FAH: variants seen among roughly 807,000 people sequenced by gnomAD.
The protein encoded by FAH is fumarylacetoacetate hydrolase.
In FAH, 47 loss-of-function variants were observed where a neutral mutation model predicts 55.8. The ratio of observed to expected loss-of-function variants is 0.84; its 90% CI spans 0.67 to 1.07. The LOEUF (loss-of-function observed/expected upper bound fraction) is 1.07. Among genes scored for constraint, FAH ranks in the 50% least tolerant of loss-of-function variants. FAH has a pLI of 0.00. For synonymous variants in FAH, 199 were observed against 207.7 expected (o/e 0.96, Z 0.36); for missense variants, 495 against 545.9 (o/e 0.91, Z 0.93).
At chr15:80,152,810 C>T, upstream of FAH, 2 of 399,604 alleles carry the variant, frequency 5.0e-6, no homozygotes, top group East Asian at 4.9e-5. Flanking sequence ...GCGGGCGAGA[C>T]TGTGGAGGAC....
downstream of FAH, chr15:80,186,513 T>C (rs1302301048): frequency 6.6e-6 from 3 of 456,720 alleles, no homozygotes; most frequent in African/African-American, 6.0e-5. Flanking sequence ...TGGTATTCCA[T>C]GGAATTTGAA....
intron 7 of FAH, among the ~76,000 whole-genome samples, chr15:80,169,658 C>T (rs1173111489): frequency 6.6e-6 from 1 of 151,948 alleles, no homozygotes; most frequent in African/African-American, 2.4e-5. Flanking sequence ...CTCAGCCTCC[C>T]GAATAGCTGG....
intron 13 of FAH, among the ~76,000 whole-genome samples, chr15:80,181,774 C>A (rs1038069399): frequency 9.2e-5 from 14 of 152,120 alleles, no homozygotes; most frequent in African/African-American, 3.1e-4. Flanking sequence ...GAGTCGGAGT[C>A]TTGCTCTCTC....
At chr15:80,177,350 T>G in intron 10 of FAH, 187 bp from the exon 11 acceptor site, 2 of 631,436 alleles carry the variant, frequency 3.2e-6, no homozygotes, top group Non-Finnish European at 5.7e-6. Context: ...AAGTGATGAC[T>G]TGTGTGCATG....
At chr15:80,158,247 G>C (rs546563060) in intron 2 of FAH, 77 bp downstream of exon 2, 5 of 1,025,632 alleles carry the variant, frequency 4.9e-6, no homozygotes, top group Admixed American at 1.7e-5. Context: ...TGCTCCTTGC[G>C]TTCCATTTCC....
intron 13 of FAH, among the ~76,000 whole-genome samples, chr15:80,181,872 C>T (rs1285029518): frequency 6.6e-6 from 1 of 152,108 alleles, no homozygotes; most frequent in Admixed American, 6.5e-5. Flanking sequence ...CTTAGCCTCC[C>T]GAGTAGCTGG....
chr15:80,157,090 G>A (rs2041106092), intron 1 of FAH: 2 of 152,412 alleles, frequency 1.3e-5, no homozygotes, highest in Admixed American at 1.3e-4. Flanking sequence ...GAGGCCCAGG[G>A]AGTTGGCAGT....
Position 80,175,091 on chromosome 15 carries a change from G to A in FAH, c.913G>A (p.Gly305Arg). The change falls in exon 10 of 14, where the codon GGA becomes AGA. Residue 305 changes from glycine to arginine, a missense_variant and splice_region_variant. By Grantham distance (125) the Gly-to-Arg change is moderately radical. Coordinates refer to ENST00000561421, the MANE Select transcript of FAH (RefSeq NM_000137.4). Reference sequence around the variant, plus strand: ...CATCAACCTCTCTGTTAACCTGAAAGGTATGTTGTAGGGGGACTGACATGG... The same window carrying A: ...CATCAACCTCTCTGTTAACCTGAAAAGTATGTTGTAGGGGGACTGACATGG... ...FDINLSVNLK[G>R]EGMSQAATIC... 3 of 1,613,926 alleles carry A rather than the reference G, an allele frequency of 1.9e-6. No homozygotes were observed. The highest frequency in any genetic ancestry group is 4.5e-5 in the East Asian group (2 of 44,880).
At chr15:80,168,968 G>A (rs140669997) in intron 7 of FAH, among the ~76,000 whole-genome samples, 2 of 152,330 alleles carry the variant, frequency 1.3e-5, no homozygotes, top group East Asian at 3.9e-4. Flanking sequence ...AGGCTATATA[G>A]TTAGGTTTTG....
intron 11 of FAH, among the ~76,000 whole-genome samples, chr15:80,178,177 G>A (rs67650837): frequency 0.26 from 39,803 of 152,002 alleles, 5,593 homozygotes; most frequent in East Asian, 0.55. Context: ...TCCAGCATGC[G>A]TGACAGAGCA....
At chr15:80,182,929 C>G (rs528335961) in intron 13 of FAH, among the ~76,000 whole-genome samples, 1 of 152,326 alleles carries the variant, frequency 6.6e-6, no homozygotes, top group South Asian at 2.1e-4. Flanking sequence ...GGCTTTAACT[C>G]TCTGTTGTCA....
At chr15:80,172,449 T>TAA (rs2041249283) in intron 8 of FAH, among the ~76,000 whole-genome samples, 2 of 132,464 alleles carry the variant, frequency 1.5e-5, no homozygotes, top group Non-Finnish European at 3.5e-5. Flanking sequence ...TCCAATTTTC[T>TAA]CGAGTGGCTA....
At chr15:80,184,675 T>C (rs2041355785) in intron 13 of FAH, among the ~76,000 whole-genome samples, 1 of 152,194 alleles carries the variant, frequency 6.6e-6, no homozygotes, top group South Asian at 2.1e-4. Context: ...GTGAGGTCGT[T>C]GCTCTCGACA....
intron 5 of FAH, chr15:80,162,738 G>A: frequency 1.0e-5 from 3 of 292,254 alleles, no homozygotes; most frequent in Non-Finnish European, 2.0e-5. Context: ...TCCTCAACAT[G>A]TGATCGGTTT....
At chr15:80,173,274 G>A (rs1243392276) in intron 9 of FAH, 130 bp downstream of exon 9, 10 of 1,254,562 alleles carry the variant, frequency 8.0e-6, no homozygotes, top group Non-Finnish European at 1.2e-5. Flanking sequence ...CATGCCCACA[G>A]CAGAGTGCCT....
Position 80,164,067 on chromosome 15 carries a change from G to T in FAH, c.455+1731G>T, listed in dbSNP as rs546850769. On this transcript the variant is annotated intron_variant, in intron 5 of 13. Coordinates refer to ENST00000561421, the MANE Select transcript of FAH (RefSeq NM_000137.4). ...ATATATGTACATACACACTGTATTA[G>T]TTTTCTGTTGCTGCTGTAACAAATT... Among the ~76,000 whole-genome samples the T allele has an allele frequency of 8.5e-4, 129 of 152,322 alleles. 1 individual carries two copies. The highest frequency in any genetic ancestry group is 3.1e-3 in the African/African-American group (128 of 41,564).
intron 1 of FAH, 54 bp from the exon 2 acceptor site, chr15:80,158,006 G>C: frequency 7.3e-7 from 1 of 1,373,890 alleles, no homozygotes; most frequent in Non-Finnish European, 1.0e-6. Context: ...GAGTAAATGA[G>C]CCAAGCCCAG....
At chr15:80,175,119 A>G (rs1237681552) in intron 10 of FAH, 28 bp downstream of exon 10, 2 of 1,593,958 alleles carry the variant, frequency 1.3e-6, no homozygotes, top group Non-Finnish European at 1.7e-6. Flanking sequence ...TGACATGGCC[A>G]GGAGCTCTGA....
chr15:80,181,302 C>T, intron 13 of FAH, 143 bp downstream of exon 13: 1 of 657,824 alleles, frequency 1.5e-6, no homozygotes, highest in Non-Finnish European at 2.8e-6. Flanking sequence ...CCTGCTTGTT[C>T]TGTCCTTCCC....
Sources: gnomAD v4.1 joint callset for allele counts (sites outside exome capture counted in the v4.1 genomes callset) on GRCh38, gnomAD v4.1.1 for gene constraint, MANE v1.5 for transcripts, NCBI Gene and HGNC (gene_info 2026-07-23, HGNC 2026-07-21) for gene names.